Variants in CACNA2D3 observed in about 807,000 individuals in gnomAD.
CACNA2D3 encodes voltage-dependent calcium channel subunit alpha-2/delta-3.
CACNA2D3 carries 60 observed loss-of-function variants against 160.6 expected under a neutral mutation model. The ratio of observed to expected loss-of-function variants is 0.37; its 90% confidence interval spans 0.30 to 0.46. The LOEUF is 0.46. CACNA2D3 is among the 20% of genes least tolerant of loss of function. The pLI, the probability that CACNA2D3 is intolerant of heterozygous loss-of-function variation, is 1.00. For missense variants in CACNA2D3, 1,205 were observed against 1,365.0 expected, an observed-to-expected ratio of 0.88 and a Z score of 1.85; for synonymous variants, 558 against 492.9, an observed-to-expected ratio of 1.13 and a Z score of -1.75.
At chr3:54,224,414 A>G (rs1014447820) in intron 2 of CACNA2D3, among the ~76,000 whole-genome samples, 4 of 152,170 alleles carry the variant, frequency 2.6e-5, no homozygotes, top group Non-Finnish European at 4.4e-5. Flanking sequence ...TATATGTGCT[A>G]TACTTCTGTG....
intron 2 of CACNA2D3, among the ~76,000 whole-genome samples, chr3:54,285,572 T>C (rs993293334): frequency 9.9e-5 from 15 of 152,098 alleles, no homozygotes; most frequent in Non-Finnish European, 2.1e-4. Flanking sequence ...TGACAGCTTT[T>C]AAGAGAGTAG....
chr3:54,451,400 C>A (rs1195732902), intron 4 of CACNA2D3, among the ~76,000 whole-genome samples: 10 of 151,812 alleles, frequency 6.6e-5, no homozygotes, highest in Non-Finnish European at 1.5e-4. Flanking sequence ...CAGGCACACA[C>A]CACCACGCTC....
chr3:54,617,586 A>G (rs770327138), intron 9 of CACNA2D3, among the ~76,000 whole-genome samples: 2 of 152,220 alleles, frequency 1.3e-5, no homozygotes, highest in Admixed American at 6.5e-5. Flanking sequence ...GATTTTGCAA[A>G]ACAAACAAAC....
chr3:54,373,456 T>C (rs1698959650), intron 3 of CACNA2D3, among the ~76,000 whole-genome samples: 1 of 152,202 alleles, frequency 6.6e-6, no homozygotes, highest in African/African-American at 2.4e-5. Flanking sequence ...TGGTATGTTT[T>C]AAATATATAC....
chr3:54,871,220 C>CA (rs758079180), intron 17 of CACNA2D3, among the ~76,000 whole-genome samples: 1 of 68,582 alleles, frequency 1.5e-5, no homozygotes, highest in African/African-American at 5.4e-5. Flanking sequence ...CACACACACA[C>CA]ACACCCCCCA....
intron 2 of CACNA2D3, among the ~76,000 whole-genome samples, chr3:54,278,671 C>T (rs1195081000): frequency 1.3e-5 from 2 of 152,168 alleles, no homozygotes; most frequent in South Asian, 2.1e-4. Flanking sequence ...AGAATGAGTT[C>T]ATGTCCTTTG....
intron 4 of CACNA2D3, among the ~76,000 whole-genome samples, chr3:54,470,481 T>G (rs1206198748): frequency 1.3e-5 from 2 of 152,168 alleles, no homozygotes; most frequent in Admixed American, 6.6e-5. Flanking sequence ...TGGAAAAACA[T>G]ACCCAGTTGT....
At chr3:54,597,527 T>A (rs1702977518) in intron 9 of CACNA2D3, among the ~76,000 whole-genome samples, 1 of 152,146 alleles carries the variant, frequency 6.6e-6, no homozygotes, top group South Asian at 2.1e-4. Context: ...TAAATATTAC[T>A]GACCACATAG....
At chr3:54,459,003 A>G (rs1195952416) in intron 4 of CACNA2D3, among the ~76,000 whole-genome samples, 6 of 151,882 alleles carry the variant, frequency 4.0e-5, no homozygotes, top group South Asian at 2.1e-4. Context: ...ATTCCCACCT[A>G]TGAGTGAGAA....
At chr3:54,139,173 T>C (rs1411662663) in intron 2 of CACNA2D3, among the ~76,000 whole-genome samples, 1 of 152,254 alleles carries the variant, frequency 6.6e-6, no homozygotes, top group Non-Finnish European at 1.5e-5. Context: ...CCTCATTTCC[T>C]GGTGCGTTCC....
intron 2 of CACNA2D3, among the ~76,000 whole-genome samples, chr3:54,288,370 C>A (rs2107472898): frequency 6.6e-6 from 1 of 152,124 alleles, no homozygotes; most frequent in Non-Finnish European, 1.5e-5. Flanking sequence ...AAGACTAAAC[C>A]AGGAAGAAGT....
intron 6 of CACNA2D3, among the ~76,000 whole-genome samples, chr3:54,568,753 G>A (rs1205644043): frequency 6.6e-6 from 1 of 152,122 alleles, no homozygotes; most frequent in African/African-American, 2.4e-5. Context: ...AGACACATGT[G>A]CAGTGGGAAA....
chr3:54,613,540 AG>A (rs1466468064), intron 9 of CACNA2D3, among the ~76,000 whole-genome samples: 1 of 152,190 alleles, frequency 6.6e-6, no homozygotes, highest in Non-Finnish European at 1.5e-5. Context: ...TGCTAATCTA[AG>A]GGTCGCTGAG....
intron 2 of CACNA2D3, among the ~76,000 whole-genome samples, chr3:54,286,285 G>C (rs1215132046): frequency 6.6e-6 from 1 of 152,240 alleles, no homozygotes; most frequent in Non-Finnish European, 1.5e-5. Flanking sequence ...GAAGAATGCA[G>C]AAGCCTCAGG....
At chr3:54,651,380 G>A (rs1699760532) in intron 11 of CACNA2D3, among the ~76,000 whole-genome samples, 1 of 150,904 alleles carries the variant, frequency 6.6e-6, no homozygotes, top group Admixed American at 6.6e-5. Flanking sequence ...AGATGAGTGC[G>A]ATTTCCGTGC....
intron 27 of CACNA2D3, among the ~76,000 whole-genome samples, chr3:54,960,278 T>C (rs1702000204): frequency 6.6e-6 from 1 of 151,982 alleles, no homozygotes; most frequent in African/African-American, 2.4e-5. Context: ...CCTCCCTCTC[T>C]CTCACCACAG....
chr3:54,165,665 C>T (rs1186923679), intron 2 of CACNA2D3, among the ~76,000 whole-genome samples: 1 of 150,984 alleles, frequency 6.6e-6, no homozygotes, highest in Non-Finnish European at 1.5e-5. Context: ...GTCCCAGCTA[C>T]TCCGGAGGCT....
rs542574831 is a variant in CACNA2D3, at chr3:55,005,220, GA to G, written c.2766+383del. Reference sequence around the variant, plus strand: ...GAACCTTGGAGGAGGAGGTTGCAGTGAGCCAAGATCATGCCACTGCACTCCA... The same window carrying G: ...GAACCTTGGAGGAGGAGGTTGCAGTGGCCAAGATCATGCCACTGCACTCCA... On this transcript the variant is annotated intron_variant, in intron 32 of 37. Coordinates refer to ENST00000474759, the MANE Select transcript of CACNA2D3 (RefSeq NM_018398.3). Among the ~76,000 whole-genome samples the G allele has an allele frequency of 8.0e-4, 121 of 152,118 alleles. No homozygotes were observed. In the East Asian group the frequency reaches 0.022, roughly 27 times the overall value.
At chr3:54,328,913 G>A (rs1171084607) in intron 3 of CACNA2D3, among the ~76,000 whole-genome samples, 2 of 152,188 alleles carry the variant, frequency 1.3e-5, no homozygotes, top group African/African-American at 4.8e-5. Context: ...TCAGCTGGGA[G>A]CATCGGCGGC....
Sources: gnomAD v4.1 joint callset for allele counts (sites outside exome capture counted in the v4.1 genomes callset) on GRCh38, gnomAD v4.1.1 for gene constraint, MANE v1.5 for transcripts, NCBI Gene and HGNC (gene_info 2026-07-23, HGNC 2026-07-21) for gene names.